The following CYP2J2 variants were observed in gnomAD, a reference collection of about 807,000 sequenced individuals.
CYP2J2 encodes the protein cytochrome P450 family 2 subfamily J member 2.
CYP2J2 carries 41 observed loss-of-function variants against 48.8 expected under a neutral mutation model. The ratio of observed to expected loss-of-function variants is 0.84; its 90% CI spans 0.66 to 1.09. The LOEUF (loss-of-function observed/expected upper bound fraction) is 1.09, where lower values mean the gene tolerates loss of function less well. Among genes scored for constraint, CYP2J2 ranks in the 50% least tolerant of loss-of-function variants. CYP2J2 has a pLI of 0.00. For synonymous variants in CYP2J2, 221 were observed against 227.1 expected, an observed-to-expected ratio of 0.97 and a Z score of 0.24; for missense variants, 644 against 617.3, an observed-to-expected ratio of 1.04 and a Z score of -0.46.
the CYP2J2 span, among the ~76,000 whole-genome samples, chr1:59,948,624 T>C: frequency 1.3e-5 from 2 of 152,212 alleles, no homozygotes; most frequent in South Asian, 4.1e-4. Context: ...ATATTAACAG[T>C]ATACACTACC....
chr1:59,926,789 C>A, upstream of CYP2J2: 1 of 1,545,638 alleles, frequency 6.5e-7, no homozygotes, highest in Non-Finnish European at 8.8e-7. Flanking sequence ...AAGCAGGCGG[C>A]GGTCCCAGCA....
the CYP2J2 span, among the ~76,000 whole-genome samples, chr1:59,958,793 C>A: frequency 1.3e-5 from 2 of 152,194 alleles, no homozygotes; most frequent in African/African-American, 2.4e-5. Flanking sequence ...ATGTTAGCCA[C>A]ACTTTCCATG....
chr1:59,924,249 T>C (rs777885696), intron 1 of CYP2J2, among the ~76,000 whole-genome samples: 2 of 152,108 alleles, frequency 1.3e-5, no homozygotes, highest in African/African-American at 2.4e-5. Context: ...CATTCTTAGA[T>C]GAAGGAAAGC....
chr1:59,911,529 A>C (rs1644413666), intron 4 of CYP2J2, 79 bp downstream of exon 4: 1 of 1,092,316 alleles, frequency 9.2e-7, no homozygotes, highest in African/African-American at 1.6e-5. Flanking sequence ...ACCCAAAAAA[A>C]ACTAAAAGGA....
intron 1 of CYP2J2, among the ~76,000 whole-genome samples, chr1:59,922,283 G>C (rs184283294): frequency 4.6e-5 from 7 of 152,194 alleles, no homozygotes; most frequent in African/African-American, 1.7e-4. Flanking sequence ...CAGTCATTTT[G>C]CTCCATGGTA....
chr1:59,893,583 G>T lies in CYP2J2; in HGVS notation c.*68C>A. ...CATTTTGTCCCAACACATCTGAGCAGACACCAGTGGTTTCAGAACACGTGC... is the reference window on the plus strand; with the variant it reads ...CATTTTGTCCCAACACATCTGAGCATACACCAGTGGTTTCAGAACACGTGC... On this transcript the variant is annotated 3_prime_UTR_variant, in exon 9 of 9. Transcript: ENST00000371204. 8.2e-7 allele frequency: 1 copy of T among 1,224,092 alleles called. No homozygotes were observed. Among genetic ancestry groups the T allele is most frequent in the Non-Finnish European group, 1.1e-6 (1 of 877,088 alleles). 75.8% of individuals were successfully genotyped at this position (1,224,092 alleles called of 1,614,324 possible). A position where few individuals can be genotyped will look rare whatever the true frequency, so the allele number is the denominator to read the frequency against.
rs1443264509 is a variant in CYP2J2 at position 59,893,471 on chromosome 1, G to A, written c.*180C>T. 2 of 492,932 alleles carry A rather than the reference G, an allele frequency of 4.1e-6. No individual in the cohort carries two copies. 30.5% of individuals were successfully genotyped at this position (492,932 alleles called of 1,614,324 possible). On this transcript the variant is annotated 3_prime_UTR_variant, in exon 9 of 9. Transcript: ENST00000371204. The stretch of plus-strand genomic sequence containing the variant: ...TTTAGCATATAAATGATTTTCCCAA[G>A]GCTAATTCGGACGAGACAGTAGAGC...
chr1:59,952,965 A>C, the CYP2J2 span, among the ~76,000 whole-genome samples: 1 of 152,214 alleles, frequency 6.6e-6, no homozygotes, highest in Non-Finnish European at 1.5e-5. Context: ...CATGGAAAGG[A>C]TATTCAGCAA....
intron 8 of CYP2J2, among the ~76,000 whole-genome samples, chr1:59,896,714 A>G (rs926835559): frequency 6.6e-6 from 1 of 151,990 alleles, no homozygotes; most frequent in African/African-American, 2.4e-5. Flanking sequence ...TATTGTGTGT[A>G]TTTTTAGTAG....
At chr1:59,902,536 C>T (rs372213816) in intron 7 of CYP2J2, among the ~76,000 whole-genome samples, 1 of 152,032 alleles carries the variant, frequency 6.6e-6, no homozygotes, top group South Asian at 2.1e-4. Flanking sequence ...CTGCCTCAGC[C>T]TCCCAAGTAG....
At chr1:59,922,432 T>C (rs888490895) in intron 1 of CYP2J2, among the ~76,000 whole-genome samples, 9 of 152,188 alleles carry the variant, frequency 5.9e-5, no homozygotes, top group Non-Finnish European at 2.9e-5. Flanking sequence ...AATTTAATTA[T>C]AACTAAATTT....
chr1:59,939,216 A>G, the CYP2J2 span, among the ~76,000 whole-genome samples: 2 of 152,234 alleles, frequency 1.3e-5, no homozygotes, highest in African/African-American at 2.4e-5. Context: ...GCTTGTTTGT[A>G]TCCGTTCTTC....
chr1:59,902,638 C>T (rs913297518), intron 7 of CYP2J2, among the ~76,000 whole-genome samples: 12 of 152,126 alleles, frequency 7.9e-5, no homozygotes, highest in Non-Finnish European at 1.6e-4. Context: ...TGATCTCGAA[C>T]TCCTGACCTC....
At chr1:59,936,049 G>A in the CYP2J2 span, among the ~76,000 whole-genome samples, 1 of 152,210 alleles carries the variant, frequency 6.6e-6, no homozygotes, top group Non-Finnish European at 1.5e-5. Flanking sequence ...TTACAGGCGT[G>A]AGCCACTGCG....
At chr1:59,895,868 C>T (rs898491361) in intron 8 of CYP2J2, among the ~76,000 whole-genome samples, 2 of 152,162 alleles carry the variant, frequency 1.3e-5, no homozygotes, top group Non-Finnish European at 2.9e-5. Context: ...TAACACTTTA[C>T]TAAGGGAAAT....
upstream of CYP2J2, among the ~76,000 whole-genome samples, chr1:59,928,489 A>T (rs981468459): frequency 4.6e-5 from 7 of 152,196 alleles, no homozygotes; most frequent in African/African-American, 1.4e-4. Flanking sequence ...TAGACAGTTA[A>T]ATCCAAGAAC....
At chr1:59,930,338 A>G (rs993626453), upstream of CYP2J2, among the ~76,000 whole-genome samples, 2 of 152,112 alleles carry the variant, frequency 1.3e-5, no homozygotes, top group Non-Finnish European at 2.9e-5. Flanking sequence ...GCTGTTTTTC[A>G]TAGTGATTAC....
At chr1:59,967,991 T>C in the CYP2J2 span, among the ~76,000 whole-genome samples, 1 of 152,128 alleles carries the variant, frequency 6.6e-6, no homozygotes, top group Non-Finnish European at 1.5e-5. Context: ...CTTTGTGATA[T>C]CACAAAGCTT....
the CYP2J2 span, among the ~76,000 whole-genome samples, chr1:59,959,541 A>C: frequency 3.3e-3 from 503 of 152,058 alleles, 1 homozygote; most frequent in African/African-American, 0.012. Context: ...TGGATAAAGA[A>C]AATGTGAGAG....
Sources: allele counts gnomAD v4.1 joint callset (sites outside exome capture counted in the v4.1 genomes callset), GRCh38; gene constraint gnomAD v4.1.1; transcripts MANE v1.5; gene names NCBI Gene and HGNC (gene_info 2026-07-23, HGNC 2026-07-21).